The following GAD2 variants were observed in gnomAD, a reference collection of about 807,000 sequenced individuals.
GAD2 encodes the protein glutamate decarboxylase 2.
A neutral mutation model predicts 80.1 loss-of-function variants in GAD2; 22 were observed. That is an observed-to-expected ratio of 0.27 (90% CI 0.20 to 0.39). GAD2 has a LOEUF of 0.39. GAD2 is among the 10% of genes least tolerant of loss of function. The pLI is 1.00. For synonymous variants in GAD2, 274 were observed against 256.9 expected (o/e 1.07, Z -0.64); for missense variants, 624 against 738.4 (o/e 0.85, Z 1.80).
At chr10:26,279,452 TG>T (rs1045732496) in intron 11 of GAD2, among the ~76,000 whole-genome samples, 3 of 152,058 alleles carry the variant, frequency 2.0e-5, no homozygotes, top group African/African-American at 7.2e-5. Context: ...AAGGCGTAGC[TG>T]GGGCTCACCC....
At chr10:26,228,545 T>C (rs977022802) in intron 6 of GAD2, among the ~76,000 whole-genome samples, 2 of 152,136 alleles carry the variant, frequency 1.3e-5, no homozygotes, top group African/African-American at 4.8e-5. Context: ...AACCCCCTGG[T>C]GGTGGATCGG....
Position 26,292,555 on chromosome 10 carries a change from A to G in GAD2, c.1477A>G (p.Met493Val), listed in dbSNP as rs1834228230. The G allele has an allele frequency of 3.7e-6, 6 of 1,611,010 alleles. No individual in the cohort carries two copies. The highest frequency in any genetic ancestry group is 1.7e-4 in the Middle Eastern group (1 of 6,050). Residue 493 changes from methionine to valine, a missense_variant, in exon 14 of 16, where the codon ATG becomes GTG. Physicochemically the swap from Met to Val is conservative, Grantham distance 21 (BLOSUM62 1). Coordinates refer to ENST00000376261, the MANE Select transcript of GAD2 (RefSeq NM_001134366.2). ...NIIKNREGYE[M>V]VFDGKPQHTN... ...CATAAAAAACCGAGAAGGATATGAGATGGTGTTTGATGGGAAGGTATGTAT... is the reference window on the plus strand; with the variant it reads ...CATAAAAAACCGAGAAGGATATGAGGTGGTGTTTGATGGGAAGGTATGTAT...
intron 13 of GAD2, among the ~76,000 whole-genome samples, chr10:26,290,873 G>A (rs1834206769): frequency 2.0e-5 from 3 of 152,180 alleles, no homozygotes; most frequent in African/African-American, 4.8e-5. Context: ...CAATATGAAC[G>A]GGAGGCACCC....
In GAD2 at chr10:26,246,010, C is replaced by T; in HGVS notation, c.920+10C>T. ...TTAAATGTGATGAGAGGTGAGCACG[C>T]ATCGGCAACTCTTGTTGGTTAGCAA... On this transcript the variant is annotated intron_variant, in intron 8 of 15. Coordinates refer to ENST00000376261, the MANE Select transcript of GAD2 (RefSeq NM_001134366.2). The T allele has an allele frequency of 6.2e-7, 1 of 1,611,960 alleles. No homozygotes were observed. The highest frequency in any genetic ancestry group is 1.1e-5 in the South Asian group (1 of 90,896).
intron 12 of GAD2, among the ~76,000 whole-genome samples, chr10:26,285,041 A>G (rs1000819398): frequency 1.3e-5 from 2 of 152,356 alleles, no homozygotes; most frequent in African/African-American, 4.8e-5. Flanking sequence ...TTCTGTGACC[A>G]TGAAACCAAA....
chr10:26,271,758 G>C (rs1845140028), intron 10 of GAD2, among the ~76,000 whole-genome samples: 1 of 151,484 alleles, frequency 6.6e-6, no homozygotes, highest in Non-Finnish European at 1.5e-5. Context: ...CCAAATTAAT[G>C]CTCTTTTTTT....
At chr10:26,250,563 CAG>C (rs1215756341) in intron 8 of GAD2, among the ~76,000 whole-genome samples, 1 of 151,198 alleles carries the variant, frequency 6.6e-6, no homozygotes, top group Non-Finnish European at 1.5e-5. Context: ...AAAGAGCAAA[CAG>C]AGTAAGAAAT....
At chr10:26,229,284 G>GA (rs113083558) in intron 6 of GAD2, among the ~76,000 whole-genome samples, 16,137 of 143,418 alleles carry the variant, frequency 0.11, 1,027 homozygotes, top group African/African-American at 0.18. Context: ...GAGTTGAAAT[G>GA]AAAAAAAAAA....
intron 15 of GAD2, among the ~76,000 whole-genome samples, chr10:26,300,204 T>G (rs1834313923): frequency 6.6e-6 from 1 of 152,204 alleles, no homozygotes; most frequent in African/African-American, 2.4e-5. Context: ...GAAACATATG[T>G]TAAGTCCTTG....
chr10:26,293,725 G>A (rs901860880), intron 15 of GAD2, among the ~76,000 whole-genome samples: 3 of 152,174 alleles, frequency 2.0e-5, no homozygotes, highest in Non-Finnish European at 4.4e-5. Context: ...AGGCTACCCT[G>A]GGTGTGTCCT....
rs1464042831 is a variant in GAD2 at position 26,302,718 on chromosome 10, T to G, written c.*1757T>G. 2 of 152,232 alleles carry G rather than the reference T, an allele frequency of 1.3e-5. No individual in the cohort carries two copies. Among genetic ancestry groups the G allele is most frequent in the African/African-American group, 4.8e-5 (2 of 41,448 alleles). 9.4% of individuals were successfully genotyped at this position (152,232 alleles called of 1,614,324 possible). A position where few individuals can be genotyped will look rare whatever the true frequency, so the allele number is the denominator to read the frequency against. ...AGGATCCAGCCATCTGAAATTTTCATAAGCTTCCCCCTACATTATTTCTCC... is the reference window on the plus strand; with the variant it reads ...AGGATCCAGCCATCTGAAATTTTCAGAAGCTTCCCCCTACATTATTTCTCC... On this transcript the variant is annotated 3_prime_UTR_variant, in exon 16 of 16. Transcript: ENST00000376261.
At chr10:26,287,511 T>C (rs1845347407) in intron 13 of GAD2, among the ~76,000 whole-genome samples, 1 of 152,200 alleles carries the variant, frequency 6.6e-6, no homozygotes. Context: ...TGAGGAAGAT[T>C]ACATAATTGT....
At chr10:26,279,002 G>C (rs1041899083) in intron 11 of GAD2, among the ~76,000 whole-genome samples, 2 of 151,926 alleles carry the variant, frequency 1.3e-5, no homozygotes, top group African/African-American at 2.4e-5. Flanking sequence ...GCAATCCATG[G>C]CTCTCTGGAG....
intron 7 of GAD2, among the ~76,000 whole-genome samples, chr10:26,245,326 T>G (rs1267223853): frequency 6.6e-6 from 1 of 151,844 alleles, no homozygotes; most frequent in East Asian, 1.9e-4. Context: ...ATGGCACACG[T>G]TTACCTATGT....
At chr10:26,227,514 C>T (rs1227472117) in intron 6 of GAD2, among the ~76,000 whole-genome samples, 1 of 152,202 alleles carries the variant, frequency 6.6e-6, no homozygotes, top group Non-Finnish European at 1.5e-5. Flanking sequence ...ACGTCTTCCC[C>T]TTTCTCTTCT....
intron 11 of GAD2, among the ~76,000 whole-genome samples, chr10:26,276,786 G>A (rs998756433): frequency 2.0e-5 from 3 of 152,268 alleles, no homozygotes; most frequent in African/African-American, 4.8e-5. Context: ...GCTTTAAGTC[G>A]CAGCTGAAGG....
chr10:26,235,225 A>G (rs1844657736), intron 7 of GAD2, among the ~76,000 whole-genome samples: 1 of 152,176 alleles, frequency 6.6e-6, no homozygotes, highest in Non-Finnish European at 1.5e-5. Context: ...AGGTCACATT[A>G]CTATCCCTTC....
intron 11 of GAD2, among the ~76,000 whole-genome samples, chr10:26,277,340 G>T (rs1419960443): frequency 2.0e-5 from 3 of 152,216 alleles, no homozygotes; most frequent in Non-Finnish European, 4.4e-5. Context: ...GCAGAGCCAG[G>T]TCAGAATCTG....
At chr10:26,288,566 G>C (rs1834174787) in intron 13 of GAD2, among the ~76,000 whole-genome samples, 1 of 152,154 alleles carries the variant, frequency 6.6e-6, no homozygotes, top group South Asian at 2.1e-4. Flanking sequence ...GTACCTCCAA[G>C]CAGCTTTAAA....
Sources: allele counts gnomAD v4.1 joint callset (sites outside exome capture counted in the v4.1 genomes callset), GRCh38; gene constraint gnomAD v4.1.1; transcripts MANE v1.5; gene names NCBI Gene and HGNC (gene_info 2026-07-23, HGNC 2026-07-21).